The following CAMTA1 variants were observed in gnomAD, a reference collection of about 807,000 sequenced individuals.
The protein encoded by CAMTA1 is calmodulin binding transcription activator 1, also known as calmodulin-binding transcription activator 1.
A neutral mutation model predicts 170.9 loss-of-function variants in CAMTA1; 27 were observed. That is an observed-to-expected ratio of 0.16 (90% CI 0.12 to 0.22). The LOEUF (loss-of-function observed/expected upper bound fraction) is 0.22. Ranked by LOEUF, CAMTA1 falls within the 10% of genes least tolerant of loss-of-function variation. CAMTA1 has a pLI of 1.00. For missense variants in CAMTA1, 1,619 were observed against 2,217.2 expected, an observed-to-expected ratio of 0.73 and a Z score of 5.42; for synonymous variants, 833 against 891.5, an observed-to-expected ratio of 0.93 and a Z score of 1.17.
intron 4 of CAMTA1, chr1:7,142,054 G>A: frequency 3.9e-6 from 2 of 516,136 alleles, no homozygotes; most frequent in Non-Finnish European, 7.7e-6. Context: ...TGCTGGGAAG[G>A]GCCCTTGCTA....
intron 5 of CAMTA1, among the ~76,000 whole-genome samples, chr1:7,359,088 C>T: frequency 6.6e-6 from 1 of 152,192 alleles, no homozygotes; most frequent in Non-Finnish European, 1.5e-5. Flanking sequence ...GGCTCACGTG[C>T]ATAAGAGGGG....
chr1:7,615,464 A>C (rs2095553057), intron 6 of CAMTA1, among the ~76,000 whole-genome samples: 1 of 152,216 alleles, frequency 6.6e-6, no homozygotes, highest in Non-Finnish European at 1.5e-5. Context: ...TCTGAACATC[A>C]GTTTTCTTGG....
At chr1:7,205,964 ATC>A (rs1057187758) in intron 4 of CAMTA1, among the ~76,000 whole-genome samples, 1 of 152,224 alleles carries the variant, frequency 6.6e-6, no homozygotes, top group Non-Finnish European at 1.5e-5. Flanking sequence ...ATTTAAAAAC[ATC>A]TGTTTTCTCC....
chr1:7,406,094 C>T (rs2090267507), intron 5 of CAMTA1, among the ~76,000 whole-genome samples: 1 of 152,242 alleles, frequency 6.6e-6, no homozygotes, highest in Non-Finnish European at 1.5e-5. Context: ...GCTTCTGCAG[C>T]AGCATGGGCT....
intron 5 of CAMTA1, among the ~76,000 whole-genome samples, chr1:7,358,493 G>T (rs759926645): frequency 3.9e-5 from 6 of 152,136 alleles, no homozygotes; most frequent in Non-Finnish European, 5.9e-5. Flanking sequence ...CAGTGGTGGG[G>T]CTGCTTCCGG....
rs1296719119 is a variant in CAMTA1 at position 7,284,162 on chromosome 1, CTTCTTCTTCTTCTTCTTATTATTA to C, written c.438+34539_438+34562del. ...TCTTCTTCTTCTTCTTCTTCTTCTT[CTTCTTCTTCTTCTTCTTATTATTA>C]TTATTATTATTATTATTATTATTAT... On this transcript the variant is annotated intron_variant, in intron 5 of 22. Transcript: ENST00000303635. Among the ~76,000 whole-genome samples the C allele has an allele frequency of 2.7e-3, 314 of 117,336 alleles. 1 individual carries two copies. The highest frequency in any genetic ancestry group is 4.1e-3 in the Middle Eastern group (1 of 242). 77.0% of individuals were successfully genotyped at this position (117,336 alleles called of 152,430 possible).
At chr1:7,261,501 C>A (rs756465327) in intron 5 of CAMTA1, among the ~76,000 whole-genome samples, 1 of 152,178 alleles carries the variant, frequency 6.6e-6, no homozygotes, top group Non-Finnish European at 1.5e-5. Flanking sequence ...GAGGTCAGCT[C>A]ACATGGGATG....
At chr1:7,018,120 C>T (rs940006025) in intron 3 of CAMTA1, among the ~76,000 whole-genome samples, 8 of 152,262 alleles carry the variant, frequency 5.3e-5, no homozygotes, top group Admixed American at 6.5e-5. Flanking sequence ...TGCGGCACCA[C>T]GCCTGGCTAA....
In CAMTA1 at chr1:6,813,410, A is replaced by G. The variant is rs572426251; in HGVS notation, c.46-6771A>G. Among the ~76,000 whole-genome samples the G allele has an allele frequency of 7.3e-5, 11 of 151,502 alleles. No individual in the cohort carries two copies. The South Asian group carries it at 1.0e-3, about 14-fold the overall frequency. On this transcript the variant is annotated intron_variant, in intron 1 of 22. Coordinates refer to ENST00000303635, the MANE Select transcript of CAMTA1 (RefSeq NM_015215.4). Reference sequence around the variant, plus strand: ...CTAATTAAATAATTAATTGTGCTCTAGCCCCCAGTTTTAGTTTGGTTTTCT... The same window carrying G: ...CTAATTAAATAATTAATTGTGCTCTGGCCCCCAGTTTTAGTTTGGTTTTCT...
At chr1:7,059,937 G>A (rs955871754) in intron 3 of CAMTA1, among the ~76,000 whole-genome samples, 1 of 152,076 alleles carries the variant, frequency 6.6e-6, no homozygotes, top group South Asian at 2.1e-4. Context: ...CAGACCACAC[G>A]GCAGATGTGC....
intron 6 of CAMTA1, among the ~76,000 whole-genome samples, chr1:7,519,268 G>A (rs996423184): frequency 6.6e-5 from 10 of 151,954 alleles, no homozygotes; most frequent in Non-Finnish European, 1.2e-4. Flanking sequence ...TTGAGGCTTC[G>A]GCAGGTGGGC....
At chr1:7,739,561 AG>A (rs1419459615) in intron 16 of CAMTA1, among the ~76,000 whole-genome samples, 1 of 150,040 alleles carries the variant, frequency 6.7e-6, no homozygotes, top group Non-Finnish European at 1.5e-5. Flanking sequence ...ATGGACTTAC[AG>A]TTCCACGTGG....
chr1:7,570,220 C>T lies in CAMTA1; in HGVS notation c.511-70180C>T, dbSNP rs997124593. 1.3e-5 allele frequency among the ~76,000 whole-genome samples: 2 copies of T among 152,322 alleles called. No homozygotes were observed. Among genetic ancestry groups the T allele is most frequent in the East Asian group, 1.9e-4 (1 of 5,184 alleles). On this transcript the variant is annotated intron_variant, in intron 6 of 22. Transcript: ENST00000303635. This position sits in a 1 kb window ranked among gnomAD's most constrained non-coding sequence, Gnocchi z 4.3. ...CGCCACCTCCTTCCTGTGATCCAAT[C>T]CTGAAATTCATCCAGGAGAGTTCTT...
chr1:6,804,139 G>A (rs1339721307), intron 1 of CAMTA1, among the ~76,000 whole-genome samples: 3 of 151,022 alleles, frequency 2.0e-5, no homozygotes, highest in South Asian at 4.2e-4. Flanking sequence ...TGTCGAGATT[G>A]TGCCATCGCA....
At chr1:7,354,150 C>CT (rs565138164) in intron 5 of CAMTA1, among the ~76,000 whole-genome samples, 6,184 of 140,410 alleles carry the variant, frequency 0.044, 437 homozygotes, top group African/African-American at 0.15. Flanking sequence ...TTCTTTTTCT[C>CT]TTTTTTTTTT....
At chr1:7,138,381 C>A (rs562625635) in intron 4 of CAMTA1, among the ~76,000 whole-genome samples, 1 of 152,156 alleles carries the variant, frequency 6.6e-6, no homozygotes. Context: ...CATTTAAATG[C>A]CCTCCTTTAA....
At chr1:6,837,026 T>C (rs1428783270) in intron 3 of CAMTA1, among the ~76,000 whole-genome samples, 1 of 150,904 alleles carries the variant, frequency 6.6e-6, no homozygotes, top group African/African-American at 2.4e-5. Context: ...CAATCTCCGC[T>C]CACTGCAATC....
chr1:6,924,305 G>A (rs1261572008), intron 3 of CAMTA1, among the ~76,000 whole-genome samples: 1 of 151,982 alleles, frequency 6.6e-6, no homozygotes, highest in Admixed American at 6.5e-5. Context: ...GAGGGGCTCA[G>A]GCTGGGAGGG....
intron 5 of CAMTA1, among the ~76,000 whole-genome samples, chr1:7,459,953 G>A (rs1186244644): frequency 1.3e-5 from 2 of 152,262 alleles, no homozygotes; most frequent in Non-Finnish European, 2.9e-5. Context: ...AGTTCTCAGA[G>A]CAATCCTGAG....
Sources: gnomAD v4.1 joint callset for allele counts (sites outside exome capture counted in the v4.1 genomes callset) on GRCh38, gnomAD v4.1.1 for gene constraint, Gnocchi (gnomAD v3.1) non-coding constraint, MANE v1.5 for transcripts, NCBI Gene and HGNC (gene_info 2026-07-23, HGNC 2026-07-21) for gene names.